Variants in MYH14 observed in about 807,000 individuals in gnomAD.
MYH14 encodes myosin heavy chain 14.
Under a neutral mutation model 255.5 loss-of-function variants are expected in MYH14, and 123 were observed. The ratio of observed to expected loss-of-function variants is 0.48; its 90% CI spans 0.42 to 0.56. MYH14 has a LOEUF of 0.56. Ranked by LOEUF, MYH14 falls within the 20% of genes least tolerant of loss-of-function variation. The pLI is 0.00. For synonymous variants in MYH14, 1,095 were observed against 1,161.2 expected (o/e 0.94, Z 1.16); for missense variants, 2,423 against 2,802.3 (o/e 0.86, Z 3.06).
intron 33 of MYH14, among the ~76,000 whole-genome samples, chr19:50,284,548 A>AT (rs1042183555): frequency 3.1e-4 from 45 of 146,886 alleles, no homozygotes; most frequent in Admixed American, 8.2e-4. Flanking sequence ...TTTTATTTTT[A>AT]TTTTTTTTTT....
chr19:50,223,377 C>T lies in MYH14; in HGVS notation c.693+28C>T, dbSNP rs746711313. Reference sequence around the variant, plus strand: ...AAGCAACCCCGCCTTGGGTCACCCCCGGGCCCTGCCACAGCACTGCCCCTT... The same window carrying T: ...AAGCAACCCCGCCTTGGGTCACCCCTGGGCCCTGCCACAGCACTGCCCCTT... On this transcript the variant is annotated intron_variant, in intron 5 of 42. Coordinates refer to ENST00000642316, the MANE Select transcript of MYH14 (RefSeq NM_001145809.2). The T allele has an allele frequency of 5.4e-5, 78 of 1,440,688 alleles. No individual in the cohort carries two copies. In the South Asian group the frequency reaches 7.8e-4, roughly 14 times the overall value. The allele number at this position is 1,440,688 out of a possible 1,614,324, so 89.2% of individuals were successfully genotyped here.
Position 50,255,301 on chromosome 19 carries a change from C to T in MYH14, c.2027C>T (p.Ala676Val), listed in dbSNP as rs1436323966. The T allele has an allele frequency of 1.3e-6, 2 of 1,551,216 alleles. No individual in the cohort carries two copies. Among genetic ancestry groups the T allele is most frequent in the Non-Finnish European group, 1.7e-6 (2 of 1,146,906 alleles). ...PPGSAERCSS[A>V]ISPPGVEGIV... The stretch of plus-strand genomic sequence containing the variant: ...GGATCTGCAGAGAGGTGCAGCTCTG[C>T]TATTTCTCCGCCAGGGGGTGGGTGT... The change falls in exon 17 of 43, where the codon GCT becomes GTT. Residue 676 changes from alanine to valine, a missense_variant. Around this residue, in one of 3 missense-constraint regions of MYH14, gnomAD observed 672 missense variants for 881.8 expected, o/e 0.76. Coordinates refer to ENST00000642316, the MANE Select transcript of MYH14 (RefSeq NM_001145809.2).
At chr19:50,260,821 A>ACG in intron 20 of MYH14, 106 bp downstream of exon 20, 1 of 765,134 alleles carries the variant, frequency 1.3e-6, no homozygotes, top group East Asian at 3.0e-5. Flanking sequence ...GTGTGTGTGC[A>ACG]AGTGTGTGTG....
At chr19:50,243,151 C>T (rs1342657736) in intron 10 of MYH14, among the ~76,000 whole-genome samples, 16 of 151,958 alleles carry the variant, frequency 1.1e-4, no homozygotes. Context: ...AACAAGGTGA[C>T]GAGGCTGGGT....
intron 40 of MYH14, among the ~76,000 whole-genome samples, chr19:50,302,208 C>T (rs2036509378): frequency 6.6e-6 from 1 of 150,420 alleles, no homozygotes; most frequent in Non-Finnish European, 1.5e-5. Flanking sequence ...AGCTTAAGCC[C>T]AGGAGTTTGA....
intron 2 of MYH14, among the ~76,000 whole-genome samples, chr19:50,211,047 A>G (rs903181424): frequency 1.3e-5 from 2 of 152,230 alleles, no homozygotes; most frequent in South Asian, 4.1e-4. Flanking sequence ...GATATAGCTC[A>G]TCCCGAGTTT....
At chr19:50,260,582 C>A in intron 19 of MYH14, 64 bp from the exon 20 acceptor site, 2 of 1,163,080 alleles carry the variant, frequency 1.7e-6, no homozygotes, top group Non-Finnish European at 1.3e-6. Context: ...GCCTGGCCCG[C>A]AGCAGGCACT....
At chr19:50,273,108 T>C (rs900210663) in intron 27 of MYH14, among the ~76,000 whole-genome samples, 3 of 151,896 alleles carry the variant, frequency 2.0e-5, no homozygotes, top group Non-Finnish European at 2.9e-5. Context: ...CTGGCTAACA[T>C]GGCAAAACCC....
intron 39 of MYH14, among the ~76,000 whole-genome samples, chr19:50,294,433 AAT>A (rs1491448389): frequency 9.4e-6 from 1 of 106,106 alleles, no homozygotes; most frequent in Non-Finnish European, 2.0e-5. Context: ...GTTTTTTTCT[AAT>A]TTTTTTTTTT....
chr19:50,210,817 G>T (rs1169559450), intron 2 of MYH14, 47 bp downstream of exon 2: 1 of 1,528,044 alleles, frequency 6.5e-7, no homozygotes, highest in African/African-American at 1.4e-5. Context: ...GTTGCTGCCG[G>T]TTGGGGAACC....
At position 50,250,494 on chromosome 19, in the gene MYH14, C is replaced by T; in HGVS notation, c.1657-21C>T. 1.9e-6 allele frequency: 3 copies of T among 1,608,104 alleles called. No individual in the cohort carries two copies. The highest frequency in any genetic ancestry group is 1.7e-6 in the Non-Finnish European group (2 of 1,177,242). On this transcript the variant is annotated intron_variant, in intron 14 of 42. Coordinates refer to ENST00000642316, the MANE Select transcript of MYH14 (RefSeq NM_001145809.2). The surrounding 1 kb of genome is among the most constrained non-coding windows in gnomAD (Gnocchi z 5.4). ...AATATGTGGGGATCTGACTTACTCT[C>T]CCCCTGCTGTCAATGGCCAGGCCAA... is the stretch of plus-strand genomic sequence containing the variant.
At chr19:50,204,221 G>C (rs2031608156) in intron 1 of MYH14, among the ~76,000 whole-genome samples, 1 of 152,156 alleles carries the variant, frequency 6.6e-6, no homozygotes, top group Non-Finnish European at 1.5e-5. Context: ...ACAGAGAGGG[G>C]AAGGCTGAGA....
chr19:50,279,665 A>T (rs2035639550), intron 30 of MYH14, among the ~76,000 whole-genome samples: 1 of 152,266 alleles, frequency 6.6e-6, no homozygotes, highest in Non-Finnish European at 1.5e-5. Flanking sequence ...AGCACGCAAT[A>T]GATCCATATA....
intron 41 of MYH14, chr19:50,308,299 G>C (rs965719006): frequency 6.6e-6 from 1 of 152,208 alleles, no homozygotes; most frequent in Non-Finnish European, 1.5e-5. Flanking sequence ...TTTTAGTCCT[G>C]GTCTAGCTTC....
chr19:50,216,801 CTTTTTTTTT>C (rs200626930), intron 2 of MYH14, among the ~76,000 whole-genome samples: 1 of 112,792 alleles, frequency 8.9e-6, no homozygotes. Context: ...TCCATCCTTT[CTTTTTTTTT>C]TTTTTTTTTT....
At chr19:50,299,570 C>CAAAA (rs4002409) in intron 39 of MYH14, among the ~76,000 whole-genome samples, 61 of 57,612 alleles carry the variant, frequency 1.1e-3, no homozygotes, top group African/African-American at 3.7e-3. Flanking sequence ...GACTCCATCT[C>CAAAA]AAAAAAAAAA....
intron 16 of MYH14, among the ~76,000 whole-genome samples, chr19:50,254,007 C>T (rs367600949): frequency 6.6e-6 from 1 of 152,106 alleles, no homozygotes; most frequent in Non-Finnish European, 1.5e-5. Context: ...CACCTGAGGT[C>T]GGGAGTTTGA....
chr19:50,223,606 C>T (rs2032950599), intron 5 of MYH14, among the ~76,000 whole-genome samples: 1 of 152,172 alleles, frequency 6.6e-6, no homozygotes, highest in South Asian at 2.1e-4. Context: ...TTTCTGAGCA[C>T]CTACTGTGTC....
intron 24 of MYH14, 88 bp downstream of exon 24, chr19:50,268,455 G>A: frequency 1.4e-6 from 2 of 1,383,522 alleles, no homozygotes; most frequent in African/African-American, 2.9e-5. Flanking sequence ...GTGTGTCTTT[G>A]GGCCATGAAT....
Sources: allele counts gnomAD v4.1 joint callset (sites outside exome capture counted in the v4.1 genomes callset), GRCh38; gene constraint gnomAD v4.1.1; regional missense constraint gnomAD v4.1.1; non-coding constraint Gnocchi (gnomAD v3.1); transcripts MANE v1.5; gene names NCBI Gene and HGNC (gene_info 2026-07-23, HGNC 2026-07-21).